Variants in ZFHX4 observed in about 807,000 individuals in gnomAD.
The protein encoded by ZFHX4 is zinc finger homeobox 4, also known as zinc finger homeobox protein 4.
In ZFHX4, 56 loss-of-function variants were observed where a neutral mutation model predicts 267.6. That is an observed-to-expected ratio of 0.21 (90% CI 0.17 to 0.26). The LOEUF is 0.26. ZFHX4 is among the 10% of genes least tolerant of loss of function. The pLI, the probability that ZFHX4 is intolerant of heterozygous loss-of-function variation, is 1.00. For missense variants in ZFHX4, 4,332 were observed against 4,420.0 expected, an observed-to-expected ratio of 0.98 and a Z score of 0.56; for synonymous variants, 1,778 against 1,665.6, an observed-to-expected ratio of 1.07 and a Z score of -1.64.
At chr8:76,703,342 T>C (rs1352674920) in intron 1 of ZFHX4, among the ~76,000 whole-genome samples, 1 of 152,126 alleles carries the variant, frequency 6.6e-6, no homozygotes, top group East Asian at 1.9e-4. Context: ...ATAGGACTGG[T>C]TGCAGTAAAT....
intron 4 of ZFHX4, among the ~76,000 whole-genome samples, chr8:76,812,662 A>T (rs958156453): frequency 6.6e-6 from 1 of 152,146 alleles, no homozygotes; most frequent in Admixed American, 6.5e-5. Flanking sequence ...TACCCTCAAA[A>T]ATCTGTAATT....
intron 1 of ZFHX4, chr8:76,682,473 C>G (rs1485986370): frequency 2.6e-5 from 4 of 152,300 alleles, no homozygotes; most frequent in African/African-American, 9.7e-5. Flanking sequence ...GGGCTGCTCT[C>G]GGCGGCGCGG....
chr8:76,714,015 T>G (rs963029758), intron 3 of ZFHX4, among the ~76,000 whole-genome samples: 1 of 152,194 alleles, frequency 6.6e-6, no homozygotes, highest in Non-Finnish European at 1.5e-5. Flanking sequence ...TCCTACTTTA[T>G]GATTTACATT....
intron 1 of ZFHX4, among the ~76,000 whole-genome samples, chr8:76,697,397 T>G (rs989868761): frequency 6.6e-6 from 1 of 152,038 alleles, no homozygotes; most frequent in Non-Finnish European, 1.5e-5. Context: ...TTAAGATTAA[T>G]TTTTTAAATG....
rs932754915 is a variant in ZFHX4 at position 76,854,677 on chromosome 8, G to A, written c.7756G>A (p.Glu2586Lys). The A allele has an allele frequency of 1.2e-6, 2 of 1,613,676 alleles. No individual in the cohort carries two copies. The highest frequency in any genetic ancestry group is 1.7e-6 in the Non-Finnish European group (2 of 1,179,846). The change falls in exon 10 of 11, where the codon GAA becomes AAA. Residue 2586 changes from glutamate to lysine, a missense_variant. By Grantham distance (56) the Glu-to-Lys change is moderately conservative. Around this residue, in one of 7 missense-constraint regions of ZFHX4, gnomAD observed 1,648 missense variants for 1,625.0 expected, o/e 1.01. Transcript: ENST00000651372. ...ASLKRKLDDK[E>K]DNNCSEKEGG... ...CCTAAAAAGGAAACTAGACGATAAA[G>A]AAGATAATAATTGCAGTGAAAAAGA...
intron 10 of ZFHX4, among the ~76,000 whole-genome samples, chr8:76,860,623 A>G (rs1812840873): frequency 6.6e-6 from 1 of 152,148 alleles, no homozygotes; most frequent in African/African-American, 2.4e-5. Context: ...TTGTACTGTT[A>G]TGAGATCTAG....
chr8:76,830,447 T>C (rs1489856209), intron 4 of ZFHX4, among the ~76,000 whole-genome samples: 1 of 152,222 alleles, frequency 6.6e-6, no homozygotes, highest in Non-Finnish European at 1.5e-5. Flanking sequence ...TCAGATTTGT[T>C]ATTACAGACC....
Position 76,855,796 on chromosome 8 carries a change from T to A in ZFHX4, c.8875T>A (p.Cys2959Ser). The change falls in exon 10 of 11, where the codon TGT (cysteine) becomes AGT (serine). Residue 2959 changes from cysteine to serine, a missense_variant. Physicochemically the swap from Cys to Ser is moderately radical, Grantham distance 112. Coordinates refer to ENST00000651372, the MANE Select transcript of ZFHX4 (RefSeq NM_024721.5). ...CTACCGAACTCCAACCATGCAAGAA[T>A]GTGAAATGTTAGGGAATGAGATTGG... The part of the protein sequence containing the change: ...SDYRTPTMQE[C>S]EMLGNEIGLP... 1 of 1,613,920 alleles carries A rather than the reference T, an allele frequency of 6.2e-7. No homozygotes were observed. Among genetic ancestry groups the A allele is most frequent in the Non-Finnish European group, 8.5e-7 (1 of 1,179,870 alleles).
intron 4 of ZFHX4, among the ~76,000 whole-genome samples, chr8:76,814,002 T>C (rs1203012730): frequency 6.6e-6 from 1 of 152,208 alleles, no homozygotes; most frequent in Non-Finnish European, 1.5e-5. Flanking sequence ...TTTGTCTTCA[T>C]GTAGACATGT....
chr8:76,780,162 C>A (rs949271195), intron 4 of ZFHX4, among the ~76,000 whole-genome samples: 1 of 152,084 alleles, frequency 6.6e-6, no homozygotes. Flanking sequence ...TACCAGCCAA[C>A]CTTTACTTAT....
At chr8:76,805,890 G>A (rs1273145170) in intron 4 of ZFHX4, among the ~76,000 whole-genome samples, 1 of 152,012 alleles carries the variant, frequency 6.6e-6, no homozygotes, top group Non-Finnish European at 1.5e-5. Flanking sequence ...TAGCCATGCT[G>A]TGAGATTTCA....
intron 4 of ZFHX4, among the ~76,000 whole-genome samples, chr8:76,803,015 C>T (rs1811152512): frequency 6.6e-6 from 1 of 152,074 alleles, no homozygotes; most frequent in African/African-American, 2.4e-5. Context: ...TCTTTTGTAT[C>T]CTTTAGTGGC....
Position 76,853,080 on chromosome 8 carries a change from TCCTCCC to T in ZFHX4, c.6162_6167del (p.Pro2060_Pro2061del). 1 of 385,994 alleles carries T rather than the reference TCCTCCC, an allele frequency of 2.6e-6. No individual in the cohort carries two copies. The highest frequency in any genetic ancestry group is 4.6e-6 in the Non-Finnish European group (1 of 215,102). 23.9% of individuals were successfully genotyped at this position (385,994 alleles called of 1,614,324 possible). ...CACCACCACCTCCTCCTCCTCCTCC[TCCTCCC>T]CCCCCACCTCCTCCACCTTCTGCTC... is the stretch of plus-strand genomic sequence containing the variant. On this transcript the variant is annotated inframe_deletion, in exon 10 of 11. Transcript: ENST00000651372.
At position 76,782,394 on chromosome 8, in the gene ZFHX4, G is replaced by T. The variant is rs144424506; in HGVS notation, c.3325+3955G>T. Among the ~76,000 whole-genome samples the T allele has an allele frequency of 3.0e-4, 46 of 151,960 alleles. No homozygotes were observed. The East Asian group carries it at 8.7e-3, about 29-fold the overall frequency. On this transcript the variant is annotated intron_variant, in intron 4 of 10. Transcript: ENST00000651372. ...AGAATAAAGTTTAAGAACAAAAGTT[G>T]TTTTCTGTGAGCGTATTTAAAGATT...
At position 76,828,314 on chromosome 8, in the gene ZFHX4, G is replaced by A. The variant is rs533565152; in HGVS notation, c.3326-5024G>A. Among the ~76,000 whole-genome samples, 646 of 152,060 alleles carry A rather than the reference G, an allele frequency of 4.2e-3. 7 individuals are homozygous for A. Among genetic ancestry groups the A allele is most frequent in the African/African-American group, 0.015 (607 of 41,472 alleles). On this transcript the variant is annotated intron_variant, in intron 4 of 10. Coordinates refer to ENST00000651372, the MANE Select transcript of ZFHX4 (RefSeq NM_024721.5). ...AATAATTTAGTTTTCAGGCTGCCTGGCCCAGGAGTCCTGAGGGATGCCTAG... is the reference window on the plus strand; with the variant it reads ...AATAATTTAGTTTTCAGGCTGCCTGACCCAGGAGTCCTGAGGGATGCCTAG...
intron 4 of ZFHX4, among the ~76,000 whole-genome samples, chr8:76,830,311 T>A (rs1811901459): frequency 6.6e-6 from 1 of 152,182 alleles, no homozygotes; most frequent in Admixed American, 6.5e-5. Context: ...AGTAGAATAC[T>A]GGATAAACTA....
At chr8:76,859,810 G>A (rs1461474116) in intron 10 of ZFHX4, among the ~76,000 whole-genome samples, 2 of 151,876 alleles carry the variant, frequency 1.3e-5, no homozygotes, top group African/African-American at 4.8e-5. Flanking sequence ...TAAACTTGAG[G>A]GACCTCAGTC....
At chr8:76,697,407 G>C (rs977475546) in intron 1 of ZFHX4, among the ~76,000 whole-genome samples, 1 of 151,904 alleles carries the variant, frequency 6.6e-6, no homozygotes, top group Non-Finnish European at 1.5e-5. Context: ...TTTTTTAAAT[G>C]TTCTTATGTG....
chr8:76,705,006 T>G lies in ZFHX4; in HGVS notation c.918T>G (p.Asn306Lys). The part of the protein sequence containing the change: ...HAVHDHRMTL[N>K]DEEQKLLSNK... ...TGCATGATCATCGGATGACCCTCAA[T>G]GACGAGGAGCAGAAGCTCCTCAGTA... The change falls in exon 2 of 11, where the codon AAT (asparagine) becomes AAG (lysine). Residue 306 changes from asparagine to lysine, a missense_variant. Transcript: ENST00000651372. 1 of 1,613,850 alleles carries G rather than the reference T, an allele frequency of 6.2e-7. No individual in the cohort carries two copies. The highest frequency in any genetic ancestry group is 8.5e-7 in the Non-Finnish European group (1 of 1,179,858).
Sources: gnomAD v4.1 joint callset for allele counts (sites outside exome capture counted in the v4.1 genomes callset) on GRCh38, gnomAD v4.1.1 for gene constraint, gnomAD v4.1.1 regional missense constraint, MANE v1.5 for transcripts, NCBI Gene and HGNC (gene_info 2026-07-23, HGNC 2026-07-21) for gene names.